The following NCAPG variants were observed in gnomAD, a reference collection of about 807,000 sequenced individuals.
NCAPG encodes non-SMC condensin I complex subunit G.
A neutral mutation model predicts 113.1 loss-of-function variants in NCAPG; 69 were observed. That is an observed-to-expected ratio of 0.61 (90% CI 0.50 to 0.75). The LOEUF (loss-of-function observed/expected upper bound fraction) is 0.75. NCAPG is among the 30% of genes least tolerant of loss of function. The pLI is 0.00. For missense variants in NCAPG, 1,058 were observed against 1,177.0 expected, an observed-to-expected ratio of 0.90 and a Z score of 1.48; for synonymous variants, 370 against 415.8, an observed-to-expected ratio of 0.89 and a Z score of 1.34.
rs1721138373 is a variant in NCAPG at position 17,814,912 on chromosome 4, T to G, written c.604T>G (p.Cys202Gly). 6.2e-7 allele frequency: 1 copy of G among 1,614,116 alleles called. No individual in the cohort carries two copies. The highest frequency in any genetic ancestry group is 1.7e-5 in the Admixed American group (1 of 60,012). The change falls in exon 4 of 21, where the codon TGT becomes GGT. Residue 202 changes from cysteine (C) to glycine (G), a missense_variant. Coordinates refer to ENST00000251496, the MANE Select transcript of NCAPG (RefSeq NM_022346.5). Reference sequence around the variant, plus strand: ...AGAAGTTAGACGGGCAGTGTTATCATGTATTGCACCATCAGCAAAGACTTT... The same window carrying G: ...AGAAGTTAGACGGGCAGTGTTATCAGGTATTGCACCATCAGCAAAGACTTT... ...NPEVRRAVLS[C>G]IAPSAKTLPK...
intron 16 of NCAPG, among the ~76,000 whole-genome samples, 165 bp from the exon 17 acceptor site, chr4:17,839,511 G>A (rs1722244347): frequency 6.6e-6 from 1 of 152,152 alleles, no homozygotes; most frequent in Non-Finnish European, 1.5e-5. Flanking sequence ...AAGTCAAGAA[G>A]GGGAGCTTAT....
At chr4:17,831,375 C>T (rs1721864617) in intron 13 of NCAPG, among the ~76,000 whole-genome samples, 1 of 152,102 alleles carries the variant, frequency 6.6e-6, no homozygotes, top group Non-Finnish European at 1.5e-5. Context: ...GTGCCAGCAA[C>T]TGTTCTAGAC....
At position 17,817,938 on chromosome 4, in the gene NCAPG, G is replaced by A; in HGVS notation, c.969-1G>A. 6.3e-7 allele frequency: 1 copy of A among 1,591,226 alleles called. No individual in the cohort carries two copies. Among genetic ancestry groups the A allele is most frequent in the South Asian group, 1.2e-5 (1 of 86,646 alleles). ...TCTCACACTCTTTCTTTTAAATGAAGGAAATTGATTCCAGTGGAAACATTA... is the reference window on the plus strand; with the variant it reads ...TCTCACACTCTTTCTTTTAAATGAAAGAAATTGATTCCAGTGGAAACATTA... On this transcript the variant is annotated splice_acceptor_variant, in intron 6 of 20. Transcript: ENST00000251496. LOFTEE classifies it high-confidence loss of function.
chr4:17,843,460 G>A lies in NCAPG; in HGVS notation c.*35G>A. On this transcript the variant is annotated 3_prime_UTR_variant, in exon 21 of 21. Transcript: ENST00000251496. ...TGGAGGTGGAATCCTTTAAGATTAT[G>A]TCCAGTTATTTGCTTTAATAAAGAA... 1 of 1,601,832 alleles carries A rather than the reference G, an allele frequency of 6.2e-7. No homozygotes were observed. Among genetic ancestry groups the A allele is most frequent in the Non-Finnish European group, 8.5e-7 (1 of 1,172,700 alleles).
chr4:17,817,887 C>T, intron 6 of NCAPG, 52 bp from the exon 7 acceptor site: 1 of 1,517,504 alleles, frequency 6.6e-7, no homozygotes, highest in Non-Finnish European at 8.8e-7. Context: ...CTCTTCAATT[C>T]TTAATGATAA....
intron 16 of NCAPG, among the ~76,000 whole-genome samples, chr4:17,839,055 C>T (rs867648635): frequency 6.6e-6 from 1 of 152,038 alleles, no homozygotes; most frequent in Non-Finnish European, 1.5e-5. Context: ...ATGGAGGAGT[C>T]CAGGAAAACT....
chr4:17,820,487 A>AG (rs1721408541), intron 7 of NCAPG, among the ~76,000 whole-genome samples: 1 of 152,080 alleles, frequency 6.6e-6, no homozygotes, highest in Non-Finnish European at 1.5e-5. Context: ...CTGTAGTCCT[A>AG]GCTACTCGGG....
In NCAPG at chr4:17,811,437, C is replaced by A. The variant is rs371436306; in HGVS notation, c.111+249C>A. 3.7e-4 allele frequency among the ~76,000 whole-genome samples: 57 copies of A among 152,352 alleles called. 2 individuals carry two copies. The East Asian group carries it at 0.011, about 29-fold the overall frequency. On this transcript the variant is annotated intron_variant, in intron 1 of 20. Coordinates refer to ENST00000251496, the MANE Select transcript of NCAPG (RefSeq NM_022346.5). This position sits in a 1 kb window ranked among gnomAD's most constrained non-coding sequence, Gnocchi z 5.3. ...CCGCCTTGGCTTTTCTGAGCCGACA[C>A]CCCCAGCTTCTGGGCGGCGTGGACC... is the stretch of plus-strand genomic sequence containing the variant.
At chr4:17,821,873 A>C (rs767909949) in intron 7 of NCAPG, among the ~76,000 whole-genome samples, 2 of 152,136 alleles carry the variant, frequency 1.3e-5, no homozygotes, top group African/African-American at 2.4e-5. Context: ...TTCTGCTTTT[A>C]AGTAGCTTTT....
At chr4:17,840,246 G>GT (rs757492182) in intron 18 of NCAPG, 37 bp downstream of exon 18, 105,589 of 940,746 alleles carry the variant, frequency 0.11, 2 homozygotes, top group Non-Finnish European at 0.12. Flanking sequence ...ATAAGGTTCT[G>GT]TTTTTTTTTT....
Position 17,817,428 on chromosome 4 carries a change from G to A in NCAPG, c.943G>A (p.Gly315Arg). ...FSITPLSELV[G>R]LCKNNDGRKL... ...AATAACTCCTCTCAGTGAACTGGTG[G>A]GACTCTGTAAAAACAATGATGGCAG... Residue 315 changes from glycine (G) to arginine (R), a missense_variant, in exon 6 of 21, where the codon GGA (glycine) becomes AGA (arginine). By Grantham distance (125) the Gly-to-Arg change is moderately radical. Coordinates refer to ENST00000251496, the MANE Select transcript of NCAPG (RefSeq NM_022346.5). 20 of 1,613,784 alleles carry A rather than the reference G, an allele frequency of 1.2e-5. No individual in the cohort carries two copies. The highest frequency in any genetic ancestry group is 1.7e-5 in the Non-Finnish European group (20 of 1,179,884).
chr4:17,823,544 A>G (rs1019826721), intron 8 of NCAPG, 103 bp from the exon 9 acceptor site: 1 of 1,015,074 alleles, frequency 9.9e-7, no homozygotes, highest in African/African-American at 1.6e-5. Flanking sequence ...AACCTAAGTG[A>G]AAGAACTGAG....
chr4:17,826,390 G>A (rs543512089), intron 11 of NCAPG, among the ~76,000 whole-genome samples: 1 of 152,184 alleles, frequency 6.6e-6, no homozygotes, highest in African/African-American at 2.4e-5. Flanking sequence ...TTATGTTTCT[G>A]ATCTCTTTAG....
At chr4:17,818,870 T>A (rs993177088) in intron 7 of NCAPG, among the ~76,000 whole-genome samples, 2 of 152,220 alleles carry the variant, frequency 1.3e-5, no homozygotes, top group Non-Finnish European at 2.9e-5. Flanking sequence ...AATGCATTCT[T>A]GTCAAAATTC....
intron 2 of NCAPG, 24 bp from the exon 3 acceptor site, chr4:17,812,893 A>C: frequency 6.3e-7 from 1 of 1,592,990 alleles, no homozygotes; most frequent in Non-Finnish European, 8.6e-7. Context: ...ACTATGAATA[A>C]ATTTTGATTT....
chr4:17,821,516 T>C (rs1015890425), intron 7 of NCAPG, among the ~76,000 whole-genome samples: 1 of 144,146 alleles, frequency 6.9e-6, no homozygotes, highest in Admixed American at 7.3e-5. Context: ...CAGGCTGGAG[T>C]GCAGTAGCGT....
At chr4:17,827,878 T>C (rs1721714436) in intron 11 of NCAPG, among the ~76,000 whole-genome samples, 1 of 149,632 alleles carries the variant, frequency 6.7e-6, no homozygotes, top group South Asian at 2.1e-4. Context: ...TGATCTCAGC[T>C]CACTGCAACC....
intron 14 of NCAPG, 38 bp downstream of exon 14, chr4:17,834,561 T>C (rs1289214312): frequency 7.8e-7 from 1 of 1,282,404 alleles, no homozygotes; most frequent in East Asian, 2.6e-5. Context: ...TGAAATGTCA[T>C]TTTCAGCATG....
chr4:17,813,193 A>C (rs754434527), intron 3 of NCAPG, 48 bp downstream of exon 3: 1 of 1,479,044 alleles, frequency 6.8e-7, no homozygotes, highest in Non-Finnish European at 9.2e-7. Flanking sequence ...GATTTTGTTA[A>C]ATTCTCAGTA....
Sources: gnomAD v4.1 joint callset for allele counts (sites outside exome capture counted in the v4.1 genomes callset) on GRCh38, gnomAD v4.1.1 for gene constraint, Gnocchi (gnomAD v3.1) non-coding constraint, MANE v1.5 for transcripts, NCBI Gene and HGNC (gene_info 2026-07-23, HGNC 2026-07-21) for gene names.